Variants in AFAP1L1 observed in about 807,000 individuals in gnomAD.
The protein encoded by AFAP1L1 is actin filament associated protein 1 like 1.
Under a neutral mutation model 99.8 loss-of-function variants are expected in AFAP1L1, and 77 were observed. The ratio of observed to expected loss-of-function variants is 0.77; its 90% CI spans 0.64 to 0.93. The LOEUF (loss-of-function observed/expected upper bound fraction) is 0.93. AFAP1L1 is among the 40% of genes least tolerant of loss of function. AFAP1L1 has a pLI of 0.00. For missense variants in AFAP1L1, 893 were observed against 996.8 expected (o/e 0.90, Z 1.40); for synonymous variants, 373 against 395.3 (o/e 0.94, Z 0.67).
intron 8 of AFAP1L1, among the ~76,000 whole-genome samples, chr5:149,310,556 C>T (rs1233485544): frequency 6.6e-6 from 1 of 152,222 alleles, no homozygotes; most frequent in Non-Finnish European, 1.5e-5. Flanking sequence ...GTTTCTGCCT[C>T]TGCAGCTACA....
chr5:149,336,608 C>T (rs1022377931), intron 18 of AFAP1L1, among the ~76,000 whole-genome samples: 6 of 152,314 alleles, frequency 3.9e-5, no homozygotes, highest in East Asian at 1.9e-4. Flanking sequence ...AGTCTGGAGG[C>T]GGCCCAGGGC....
rs11325171 is a variant in AFAP1L1 at position 149,342,909 on chromosome 5, C to CA, written c.*2892dup. Among the ~76,000 whole-genome samples the CA allele has an allele frequency of 2.3e-3, 334 of 145,928 alleles. 1 individual carries two copies. The highest frequency in any genetic ancestry group is 8.9e-3 in the South Asian group (40 of 4,494). ...CCTGGGCAATAGCAAGACTCCATCT[C>CA]AAAAAAAAAAAAATGCCTTATTTGG... On this transcript the variant is annotated 3_prime_UTR_variant, in exon 19 of 19. Transcript: ENST00000296721.
chr5:149,283,500 G>A (rs775087922), intron 1 of AFAP1L1, among the ~76,000 whole-genome samples: 10 of 151,724 alleles, frequency 6.6e-5, no homozygotes, highest in Non-Finnish European at 1.5e-4. Flanking sequence ...TTGATACAAA[G>A]ATTTTTTTAA....
intron 1 of AFAP1L1, among the ~76,000 whole-genome samples, chr5:149,284,603 G>A (rs1755621116): frequency 6.6e-6 from 1 of 152,226 alleles, no homozygotes; most frequent in Admixed American, 6.5e-5. Context: ...TGCCCATCCT[G>A]GGAAGGGATG....
intron 8 of AFAP1L1, among the ~76,000 whole-genome samples, chr5:149,311,385 C>T (rs917645842): frequency 3.3e-5 from 5 of 152,170 alleles, no homozygotes; most frequent in Admixed American, 6.5e-5. Context: ...GGCCGTTAGC[C>T]CAGAGGTTAA....
intron 1 of AFAP1L1, among the ~76,000 whole-genome samples, chr5:149,279,810 C>T (rs1312443385): frequency 6.6e-6 from 1 of 152,196 alleles, no homozygotes; most frequent in Non-Finnish European, 1.5e-5. Context: ...TCACCTGGTT[C>T]ACCCTTGCTC....
At chr5:149,299,082 G>T (rs1200532299) in intron 1 of AFAP1L1, among the ~76,000 whole-genome samples, 1 of 152,226 alleles carries the variant, frequency 6.6e-6, no homozygotes, top group Non-Finnish European at 1.5e-5. Flanking sequence ...TCTCTTTCCT[G>T]CCTGTGTCCT....
At chr5:149,338,903 G>A (rs996054493) in intron 18 of AFAP1L1, among the ~76,000 whole-genome samples, 5 of 152,184 alleles carry the variant, frequency 3.3e-5, no homozygotes, top group African/African-American at 1.2e-4. Flanking sequence ...AAAAAGCTTG[G>A]CATGTTTGAG....
At chr5:149,297,384 C>T (rs939102133) in intron 1 of AFAP1L1, among the ~76,000 whole-genome samples, 2 of 152,054 alleles carry the variant, frequency 1.3e-5, no homozygotes, top group African/African-American at 4.8e-5. Context: ...CAGTCTGGCT[C>T]TACCTCTCAA....
At chr5:149,336,854 G>A (rs566320721) in intron 18 of AFAP1L1, among the ~76,000 whole-genome samples, 142 of 152,240 alleles carry the variant, frequency 9.3e-4, no homozygotes, top group Middle Eastern at 3.4e-3. Flanking sequence ...AGTTTTGGAG[G>A]GACAGACATT....
intron 15 of AFAP1L1, 62 bp downstream of exon 15, chr5:149,322,779 A>G: frequency 7.3e-7 from 1 of 1,366,522 alleles, no homozygotes; most frequent in Non-Finnish European, 1.0e-6. Flanking sequence ...AGTCTATAGG[A>G]GGGATCTCAA....
At chr5:149,276,773 C>G (rs1192162556) in intron 1 of AFAP1L1, 1 of 152,192 alleles carries the variant, frequency 6.6e-6, no homozygotes, top group East Asian at 1.9e-4. Context: ...AGTCCCTGCT[C>G]TGTTTTAAAT....
Position 149,307,614 on chromosome 5 carries a change from G to A in AFAP1L1, c.747+1G>A. The A allele has an allele frequency of 6.2e-7, 1 of 1,612,070 alleles. No individual in the cohort carries two copies. The highest frequency in any genetic ancestry group is 8.5e-7 in the Non-Finnish European group (1 of 1,179,888). Reference sequence around the variant, plus strand: ...GGTCATCAGGGAGGACCAGCTCCTGGTGAGTGGTCAGCAGCAGCCATGTGC... The same window carrying A: ...GGTCATCAGGGAGGACCAGCTCCTGATGAGTGGTCAGCAGCAGCCATGTGC... On this transcript the variant is annotated splice_donor_variant, in intron 7 of 18. Transcript: ENST00000296721. LOFTEE classifies it high-confidence loss of function.
chr5:149,299,112 C>G (rs932252712), intron 1 of AFAP1L1, among the ~76,000 whole-genome samples: 3 of 152,320 alleles, frequency 2.0e-5, no homozygotes, highest in East Asian at 1.9e-4. Context: ...GGGGCTCCAG[C>G]CTGAGACCTG....
chr5:149,287,145 G>T (rs140658737), intron 1 of AFAP1L1, among the ~76,000 whole-genome samples: 3 of 152,144 alleles, frequency 2.0e-5, no homozygotes, highest in Non-Finnish European at 4.4e-5. Flanking sequence ...GAATGAACAC[G>T]ATGACAAGCA....
chr5:149,324,394 G>A (rs563618428), intron 15 of AFAP1L1, among the ~76,000 whole-genome samples: 37 of 152,222 alleles, frequency 2.4e-4, no homozygotes, highest in South Asian at 8.3e-4. Flanking sequence ...CTCCACCCTC[G>A]TGACCTAATC....
At chr5:149,290,853 G>T (rs189424205) in intron 1 of AFAP1L1, among the ~76,000 whole-genome samples, 46 of 152,276 alleles carry the variant, frequency 3.0e-4, no homozygotes, top group Admixed American at 2.8e-3. Context: ...TTTGCTCCAA[G>T]AATTTATTGT....
At chr5:149,277,373 T>C (rs1420165401) in intron 1 of AFAP1L1, among the ~76,000 whole-genome samples, 1 of 152,220 alleles carries the variant, frequency 6.6e-6, no homozygotes, top group African/African-American at 2.4e-5. Context: ...GTGTCTTGCC[T>C]CCGTTGAACC....
Position 149,307,404 on chromosome 5 carries a change from A to G in AFAP1L1, c.538A>G (p.Asn180Asp). Residue 180 changes from asparagine to aspartate, a missense_variant and splice_region_variant, in exon 7 of 19, where the codon AAT (asparagine) becomes GAT (aspartate). Physicochemically the swap from Asn to Asp is conservative, Grantham distance 23. Coordinates refer to ENST00000296721, the MANE Select transcript of AFAP1L1 (RefSeq NM_152406.4). ...RVNGELKSSY[N>D]DSDAMSSSYE... ...ATCCTTTCCCGTGACGCCTGCAGATAATGACTCTGACGCAATGAGCAGCTC... is the reference window on the plus strand; with the variant it reads ...ATCCTTTCCCGTGACGCCTGCAGATGATGACTCTGACGCAATGAGCAGCTC... The G allele has an allele frequency of 6.2e-7, 1 of 1,614,032 alleles. No homozygotes were observed. The highest frequency in any genetic ancestry group is 8.5e-7 in the Non-Finnish European group (1 of 1,179,996).
Sources: gnomAD v4.1 joint callset for allele counts (sites outside exome capture counted in the v4.1 genomes callset) on GRCh38, gnomAD v4.1.1 for gene constraint, MANE v1.5 for transcripts, NCBI Gene and HGNC (gene_info 2026-07-23, HGNC 2026-07-21) for gene names.